MYRIP: variants seen among roughly 807,000 people sequenced by gnomAD.
MYRIP encodes the protein myosin VIIA and Rab interacting protein.
A neutral mutation model predicts 98.0 loss-of-function variants in MYRIP; 49 were observed. The observed-to-expected ratio is 0.50, with a 90% confidence interval of 0.40 to 0.63. MYRIP has a LOEUF of 0.63. MYRIP is among the 30% of genes least tolerant of loss of function. The pLI is 0.00. For missense variants in MYRIP, 1,004 were observed against 1,058.2 expected (o/e 0.95, Z 0.71); for synonymous variants, 404 against 409.5 (o/e 0.99, Z 0.16).
chr3:40,180,069 T>C (rs1950850707), intron 8 of MYRIP, among the ~76,000 whole-genome samples: 1 of 152,142 alleles, frequency 6.6e-6, no homozygotes, highest in African/African-American at 2.4e-5. Flanking sequence ...AGCTGCATCA[T>C]CCAAACTGCT....
chr3:40,171,185 C>T (rs555476538), intron 8 of MYRIP, among the ~76,000 whole-genome samples: 36 of 151,932 alleles, frequency 2.4e-4, no homozygotes, highest in African/African-American at 7.7e-4. Context: ...CCATGCCCAC[C>T]GTCCAGAGCT....
rs142988292 is a variant in MYRIP, at chr3:39,955,644, A to G, written c.110+54718A>G. ...CTAACAAGCAAAATAACCAGCTAAC[A>G]TCATAATGACAGGACCAAATTCACA... is the stretch of plus-strand genomic sequence containing the variant. On this transcript the variant is annotated intron_variant, in intron 2 of 16. Transcript: ENST00000302541. 6.2e-3 allele frequency among the ~76,000 whole-genome samples: 938 copies of G among 152,306 alleles called. 13 individuals carry two copies. Among genetic ancestry groups the G allele is most frequent in the African/African-American group, 0.021 (883 of 41,564 alleles).
chr3:40,002,838 C>G (rs1168582233), intron 2 of MYRIP, among the ~76,000 whole-genome samples: 2 of 152,036 alleles, frequency 1.3e-5, no homozygotes, highest in Non-Finnish European at 2.9e-5. Flanking sequence ...TGTATATATA[C>G]ACTCACACAA....
chr3:40,092,935 TC>T (rs958826659), intron 3 of MYRIP, among the ~76,000 whole-genome samples: 7 of 152,160 alleles, frequency 4.6e-5, no homozygotes, highest in African/African-American at 1.7e-4. Flanking sequence ...GAGGTCCAAG[TC>T]CTTTGGTACA....
At position 40,258,196 on chromosome 3, in the gene MYRIP, C is replaced by A; in HGVS notation, c.*30C>A. On this transcript the variant is annotated 3_prime_UTR_variant, in exon 17 of 17. Coordinates refer to ENST00000302541, the MANE Select transcript of MYRIP (RefSeq NM_015460.4). ...ATGGAATTCCACTGCCAGTGACCCA[C>A]TGCCTCCGGCCGTACACGACAGTGC... 6.2e-7 allele frequency: 1 copy of A among 1,614,032 alleles called. No individual in the cohort carries two copies. The highest frequency in any genetic ancestry group is 2.2e-5 in the East Asian group (1 of 44,882).
At position 40,206,430 on chromosome 3, in the gene MYRIP, T is replaced by C. The variant is rs531490178; in HGVS notation, c.1666-3424T>C. On this transcript the variant is annotated intron_variant, in intron 10 of 16. Coordinates refer to ENST00000302541, the MANE Select transcript of MYRIP (RefSeq NM_015460.4). Reference sequence around the variant, plus strand: ...TCTGTGTGCATACGATTTGTCTTTCTGTGAACTCAAGAACCATCACTTAGC... The same window carrying C: ...TCTGTGTGCATACGATTTGTCTTTCCGTGAACTCAAGAACCATCACTTAGC... Among the ~76,000 whole-genome samples, 8 of 152,324 alleles carry C rather than the reference T, an allele frequency of 5.3e-5. No individual in the cohort carries two copies. In the East Asian group the frequency reaches 7.7e-4, roughly 15 times the overall value.
At chr3:39,830,322 G>T (rs1162662482) in intron 1 of MYRIP, among the ~76,000 whole-genome samples, 1 of 152,180 alleles carries the variant, frequency 6.6e-6, no homozygotes, top group African/African-American at 2.4e-5. Flanking sequence ...GGCTGGAGAA[G>T]AACTTACAGT....
intron 2 of MYRIP, among the ~76,000 whole-genome samples, chr3:39,916,913 C>G (rs1271367590): frequency 5.3e-5 from 8 of 151,906 alleles, no homozygotes; most frequent in Admixed American, 6.6e-5. Context: ...ATACAACAGC[C>G]CAAGGGAAAA....
chr3:40,095,416 T>G (rs550914337), intron 3 of MYRIP, among the ~76,000 whole-genome samples: 1 of 152,232 alleles, frequency 6.6e-6, no homozygotes, highest in African/African-American at 2.4e-5. Context: ...TCCAGCTTAG[T>G]GTCATACTTC....
At chr3:40,093,185 T>C (rs1186683520) in intron 3 of MYRIP, among the ~76,000 whole-genome samples, 4 of 152,216 alleles carry the variant, frequency 2.6e-5, no homozygotes, top group East Asian at 3.8e-4. Flanking sequence ...AACCAACTTA[T>C]GTACAGAAGC....
intron 2 of MYRIP, among the ~76,000 whole-genome samples, chr3:40,030,279 A>G (rs1328793514): frequency 6.6e-6 from 1 of 152,134 alleles, no homozygotes; most frequent in East Asian, 1.9e-4. Context: ...GTGCAAGTCA[A>G]AAGCATGAGA....
intron 2 of MYRIP, among the ~76,000 whole-genome samples, chr3:39,952,753 TGC>T (rs1302565718): frequency 6.6e-6 from 1 of 152,206 alleles, no homozygotes; most frequent in African/African-American, 2.4e-5. Context: ...TATCTACGAA[TGC>T]CTTTGTTTTG....
intron 3 of MYRIP, among the ~76,000 whole-genome samples, chr3:40,048,644 A>T (rs1265426507): frequency 6.6e-6 from 1 of 152,122 alleles, no homozygotes; most frequent in Non-Finnish European, 1.5e-5. Context: ...AGTGAAAAAC[A>T]ATCCATATTT....
At chr3:39,829,880 T>A (rs1941389479) in intron 1 of MYRIP, among the ~76,000 whole-genome samples, 1 of 152,172 alleles carries the variant, frequency 6.6e-6, no homozygotes, top group African/African-American at 2.4e-5. Flanking sequence ...CAACTGTACG[T>A]AGGCTCTTTC....
chr3:40,229,361 AG>A (rs1261744892), intron 11 of MYRIP, among the ~76,000 whole-genome samples: 1 of 152,074 alleles, frequency 6.6e-6, no homozygotes, highest in Non-Finnish European at 1.5e-5. Flanking sequence ...TACAGTCCCT[AG>A]AGGAAAAAAA....
At chr3:40,254,399 T>C (rs1953502113) in intron 16 of MYRIP, among the ~76,000 whole-genome samples, 1 of 136,456 alleles carries the variant, frequency 7.3e-6, no homozygotes, top group African/African-American at 2.8e-5. Flanking sequence ...GGCAGAGGAA[T>C]AATGCAGGGA....
chr3:39,969,187 C>T (rs1945515129), intron 2 of MYRIP, among the ~76,000 whole-genome samples: 1 of 152,158 alleles, frequency 6.6e-6, no homozygotes, highest in Non-Finnish European at 1.5e-5. Context: ...TATCCCGCAA[C>T]TTTGCTGAAG....
intron 5 of MYRIP, among the ~76,000 whole-genome samples, chr3:40,164,048 G>GCA (rs1950453752): frequency 6.6e-6 from 1 of 152,092 alleles, no homozygotes; most frequent in Non-Finnish European, 1.5e-5. Context: ...TTGGCCATTA[G>GCA]CACCTGAAGA....
At chr3:40,136,524 C>T (rs1460528581) in intron 3 of MYRIP, among the ~76,000 whole-genome samples, 2 of 152,102 alleles carry the variant, frequency 1.3e-5, no homozygotes, top group East Asian at 3.9e-4. Context: ...CAGCTCTGCA[C>T]CAAGTGGACC....
Sources: allele counts gnomAD v4.1 joint callset (sites outside exome capture counted in the v4.1 genomes callset), GRCh38; gene constraint gnomAD v4.1.1; transcripts MANE v1.5; gene names NCBI Gene and HGNC (gene_info 2026-07-23, HGNC 2026-07-21).